The following LINGO2 variants were observed in gnomAD, a reference collection of about 807,000 sequenced individuals.
The protein encoded by LINGO2 is leucine rich repeat and Ig domain containing 2.
A neutral mutation model predicts 30.6 loss-of-function variants in LINGO2; 14 were observed. The observed-to-expected ratio is 0.46, with a 90% CI of 0.30 to 0.72. The LOEUF is 0.72. Ranked by LOEUF, LINGO2 falls within the 30% of genes least tolerant of loss-of-function variation. LINGO2 has a pLI of 0.07. For synonymous variants in LINGO2, 317 were observed against 288.5 expected (o/e 1.10, Z -1.00); for missense variants, 729 against 751.7 (o/e 0.97, Z 0.35).
chr9:28,049,136 C>A (rs963946989), intron 4 of LINGO2, among the ~76,000 whole-genome samples: 4 of 150,720 alleles, frequency 2.7e-5, no homozygotes, highest in African/African-American at 9.8e-5. Flanking sequence ...GTCTTCATGC[C>A]TTTATCCTAG....
intron 4 of LINGO2, among the ~76,000 whole-genome samples, chr9:28,083,354 G>T (rs1260907276): frequency 6.6e-6 from 1 of 152,116 alleles, no homozygotes; most frequent in Non-Finnish European, 1.5e-5. Flanking sequence ...TCTGCCTCTG[G>T]GTGATGGTGA....
At chr9:28,235,685 G>T (rs1821536869) in intron 4 of LINGO2, among the ~76,000 whole-genome samples, 1 of 152,156 alleles carries the variant, frequency 6.6e-6, no homozygotes, top group Non-Finnish European at 1.5e-5. Flanking sequence ...GTTGAAAAAT[G>T]CCACTGACAT....
chr9:28,709,579 C>T, the LINGO2 span, among the ~76,000 whole-genome samples: 6 of 151,848 alleles, frequency 4.0e-5, 1 homozygote, highest in Non-Finnish European at 8.8e-5. Context: ...AATTATGAAT[C>T]ATATATAATT....
At chr9:28,004,999 C>T (rs1273954683) in intron 5 of LINGO2, among the ~76,000 whole-genome samples, 1 of 152,132 alleles carries the variant, frequency 6.6e-6, no homozygotes, top group Non-Finnish European at 1.5e-5. Flanking sequence ...ACATATGCAG[C>T]GAGGCTGCCT....
chr9:28,960,027 T>G, the LINGO2 span, among the ~76,000 whole-genome samples: 4 of 152,168 alleles, frequency 2.6e-5, no homozygotes, highest in African/African-American at 9.7e-5. Flanking sequence ...ATTTTCAGCA[T>G]AAGTGAGTTA....
chr9:28,703,846 T>C, the LINGO2 span, among the ~76,000 whole-genome samples: 5 of 152,128 alleles, frequency 3.3e-5, no homozygotes, highest in Non-Finnish European at 7.4e-5. Flanking sequence ...CTTATAATAA[T>C]AAAGTATTCT....
intron 1 of LINGO2, among the ~76,000 whole-genome samples, chr9:28,499,115 G>A (rs1292719999): frequency 6.6e-6 from 1 of 152,120 alleles, no homozygotes; most frequent in Non-Finnish European, 1.5e-5. Flanking sequence ...ACTCTAACAT[G>A]TTATAACTGC....
At chr9:28,108,484 G>T (rs1397442685) in intron 4 of LINGO2, among the ~76,000 whole-genome samples, 1 of 152,054 alleles carries the variant, frequency 6.6e-6, no homozygotes, top group Non-Finnish European at 1.5e-5. Flanking sequence ...TCACTCCATG[G>T]CACCTTCATC....
chr9:28,199,047 C>T (rs190174999), intron 4 of LINGO2, among the ~76,000 whole-genome samples: 2 of 152,148 alleles, frequency 1.3e-5, no homozygotes, highest in African/African-American at 4.8e-5. Flanking sequence ...CCATGTACAT[C>T]TTGAAAAAGT....
At chr9:28,111,504 T>A (rs1444619637) in intron 4 of LINGO2, among the ~76,000 whole-genome samples, 1 of 152,094 alleles carries the variant, frequency 6.6e-6, no homozygotes, top group Non-Finnish European at 1.5e-5. Flanking sequence ...AGGAAACTTT[T>A]AACTCGGGCC....
chr9:28,377,366 A>G (rs893007473), intron 2 of LINGO2, among the ~76,000 whole-genome samples: 4 of 152,184 alleles, frequency 2.6e-5, no homozygotes, highest in Admixed American at 6.5e-5. Context: ...GATTTACTTA[A>G]TAACACCTTC....
chr9:28,026,385 C>T (rs1314563556), intron 4 of LINGO2, among the ~76,000 whole-genome samples: 1 of 152,128 alleles, frequency 6.6e-6, no homozygotes, highest in Non-Finnish European at 1.5e-5. Context: ...GTTTGAACAT[C>T]AGAATCACCT....
chr9:28,576,639 G>A (rs976205872), intron 1 of LINGO2, among the ~76,000 whole-genome samples: 3 of 151,962 alleles, frequency 2.0e-5, no homozygotes, highest in African/African-American at 7.3e-5. Context: ...ATAGTTTTTA[G>A]GATTTTTTTG....
At chr9:29,082,982 G>C in the LINGO2 span, among the ~76,000 whole-genome samples, 5 of 152,270 alleles carry the variant, frequency 3.3e-5, no homozygotes, top group Admixed American at 1.3e-4. Flanking sequence ...TACACTGTTG[G>C]TGGGACTGTA....
intron 4 of LINGO2, among the ~76,000 whole-genome samples, chr9:28,091,604 A>G (rs906433182): frequency 2.0e-5 from 3 of 152,216 alleles, no homozygotes; most frequent in African/African-American, 7.2e-5. Flanking sequence ...TCCCTAGAAG[A>G]AAACCTAGGC....
the LINGO2 span, among the ~76,000 whole-genome samples, chr9:29,165,400 C>T: frequency 1.3e-5 from 2 of 152,016 alleles, no homozygotes; most frequent in African/African-American, 4.8e-5. Context: ...AATCCAAAAC[C>T]TTATGTTGGC....
At chr9:28,885,847 G>A in the LINGO2 span, among the ~76,000 whole-genome samples, 1 of 152,074 alleles carries the variant, frequency 6.6e-6, no homozygotes. Context: ...ACTATTTTTA[G>A]TCAGTACAAA....
At chr9:28,735,879 T>C in the LINGO2 span, among the ~76,000 whole-genome samples, 5 of 152,124 alleles carry the variant, frequency 3.3e-5, no homozygotes, top group Admixed American at 2.6e-4. Flanking sequence ...GGGTTGCAGA[T>C]GATAAATAAG....
At chr9:28,921,177 A>G in the LINGO2 span, among the ~76,000 whole-genome samples, 1 of 152,188 alleles carries the variant, frequency 6.6e-6, no homozygotes, top group Non-Finnish European at 1.5e-5. Flanking sequence ...CAAAATGAAA[A>G]TGTTAATCTT....
Sources: gnomAD v4.1 joint callset for allele counts (sites outside exome capture counted in the v4.1 genomes callset) on GRCh38, gnomAD v4.1.1 for gene constraint, MANE v1.5 for transcripts, NCBI Gene and HGNC (gene_info 2026-07-23, HGNC 2026-07-21) for gene names.